Variants in ATF7IP2 observed in about 807,000 individuals in gnomAD.
ATF7IP2 encodes the protein activating transcription factor 7 interacting protein 2, also known as activating transcription factor 7-interacting protein 2.
ATF7IP2 carries 42 observed loss-of-function variants against 64.2 expected under a neutral mutation model. That is an observed-to-expected ratio of 0.65 (90% CI 0.51 to 0.85). ATF7IP2 has a LOEUF of 0.85. Among genes scored for constraint, ATF7IP2 ranks in the 40% least tolerant of loss-of-function variants. ATF7IP2 has a pLI of 0.00. For synonymous variants in ATF7IP2, 308 were observed against 272.8 expected (o/e 1.13, Z -1.27); for missense variants, 933 against 784.2 (o/e 1.19, Z -2.27).
chr16:10,465,427 AG>A (rs2049531308), intron 9 of ATF7IP2, among the ~76,000 whole-genome samples: 1 of 152,020 alleles, frequency 6.6e-6, no homozygotes, highest in Admixed American at 6.6e-5. Context: ...CAGTTTCCTC[AG>A]TTTCCCTCCC....
intron 9 of ATF7IP2, among the ~76,000 whole-genome samples, chr16:10,460,961 C>CAGA (rs2049354776): frequency 6.6e-6 from 1 of 151,962 alleles, no homozygotes; most frequent in Non-Finnish European, 1.5e-5. Flanking sequence ...ACTAGTAACG[C>CAGA]AGAATATATA....
intron 9 of ATF7IP2, among the ~76,000 whole-genome samples, chr16:10,471,325 C>G (rs868364671): frequency 1.6e-4 from 25 of 152,096 alleles, no homozygotes; most frequent in African/African-American, 5.1e-4. Flanking sequence ...GTCAGGAGTT[C>G]AAGACCAGCC....
At chr16:10,435,542 TTTG>T in intron 6 of ATF7IP2, among the ~76,000 whole-genome samples, 1 of 152,178 alleles carries the variant, frequency 6.6e-6, no homozygotes, top group African/African-American at 2.4e-5. Flanking sequence ...GTGTCTTCCT[TTTG>T]TATAAGGAAC....
intron 7 of ATF7IP2, among the ~76,000 whole-genome samples, chr16:10,438,547 C>T (rs1266201881): frequency 6.6e-6 from 1 of 151,994 alleles, no homozygotes; most frequent in African/African-American, 2.4e-5. Context: ...GTCACCACAC[C>T]TGGCCCATGT....
intron 8 of ATF7IP2, chr16:10,447,575 G>A (rs1039046849): frequency 6.6e-6 from 1 of 152,264 alleles, no homozygotes; most frequent in Non-Finnish European, 1.5e-5. Flanking sequence ...GAAAGCAGGG[G>A]TTTTTATTCC....
chr16:10,400,437 C>T (rs2047505929), intron 1 of ATF7IP2, among the ~76,000 whole-genome samples: 1 of 152,210 alleles, frequency 6.6e-6, no homozygotes, highest in South Asian at 2.1e-4. Flanking sequence ...GATCATATAT[C>T]ATCAGCAAAC....
intron 8 of ATF7IP2, among the ~76,000 whole-genome samples, chr16:10,455,686 T>A (rs981559335): frequency 5.3e-5 from 8 of 152,116 alleles, no homozygotes; most frequent in African/African-American, 1.9e-4. Flanking sequence ...TTAGTAGAAA[T>A]TTGGAAGTTA....
Position 10,474,148 on chromosome 16 carries a change from G to A in ATF7IP2, c.1549+159G>A, listed in dbSNP as rs564344860. Among the ~76,000 whole-genome samples, 36 of 152,180 alleles carry A rather than the reference G, an allele frequency of 2.4e-4. 2 individuals are homozygous for A. In the South Asian group the frequency reaches 5.0e-3, roughly 21 times the overall value. On this transcript the variant is annotated intron_variant, in intron 12 of 13. Transcript: ENST00000562102. ...TCATGTGCAGATTCATGTAACTGCC[G>A]TCACAGTGACAAAGCTCCTTCATGC...
chr16:10,439,513 C>T lies in ATF7IP2; in HGVS notation c.1096-851C>T, dbSNP rs530332734. On this transcript the variant is annotated intron_variant, in intron 7 of 13. Coordinates refer to ENST00000562102, the MANE Select transcript of ATF7IP2 (RefSeq NM_001393719.1). ...CTTCCCAAAGTGCTGGGATTATAGG[C>T]GTGAGCCACCGCCCCCAGCCTTTTT... is the stretch of plus-strand genomic sequence containing the variant. Among the ~76,000 whole-genome samples the T allele has an allele frequency of 6.2e-5, 9 of 144,596 alleles. No individual in the cohort carries two copies. In the South Asian group the frequency reaches 1.6e-3, roughly 25 times the overall value. The allele number at this position is 144,596 out of a possible 152,430, so 94.9% of individuals were successfully genotyped here.
At chr16:10,457,729 T>C (rs1197651814) in intron 9 of ATF7IP2, 200 bp downstream of exon 9, 1 of 392,488 alleles carries the variant, frequency 2.5e-6, no homozygotes, top group South Asian at 4.1e-5. Context: ...TTTTTTGAGA[T>C]AGGGTCTCAC....
chr16:10,476,498 G>GT (rs1230895089), intron 12 of ATF7IP2, among the ~76,000 whole-genome samples: 20 of 151,114 alleles, frequency 1.3e-4, no homozygotes, highest in Non-Finnish European at 2.4e-4. Context: ...GTGTGTGTGT[G>GT]TTTTTTTTTA....
chr16:10,456,509 G>A (rs2049173895), intron 8 of ATF7IP2, among the ~76,000 whole-genome samples: 1 of 129,788 alleles, frequency 7.7e-6, no homozygotes, highest in South Asian at 2.4e-4. Context: ...CTTTTAAGCT[G>A]CAGTTTCAAT....
At chr16:10,456,789 C>A (rs936159775) in intron 8 of ATF7IP2, among the ~76,000 whole-genome samples, 7 of 152,148 alleles carry the variant, frequency 4.6e-5, no homozygotes, top group African/African-American at 1.7e-4. Context: ...GGGGGTTAGC[C>A]ACCACTGCTA....
At chr16:10,401,641 CT>C (rs927990246) in intron 1 of ATF7IP2, among the ~76,000 whole-genome samples, 58 of 151,706 alleles carry the variant, frequency 3.8e-4, no homozygotes, top group Admixed American at 3.3e-3. Flanking sequence ...GAATTCCCTC[CT>C]TTTTTTTCCC....
chr16:10,403,330 C>T (rs1052990352), intron 1 of ATF7IP2, among the ~76,000 whole-genome samples: 1 of 152,140 alleles, frequency 6.6e-6, no homozygotes, highest in Non-Finnish European at 1.5e-5. Flanking sequence ...TGCTCACCTA[C>T]CTGGCACACT....
intron 8 of ATF7IP2, among the ~76,000 whole-genome samples, chr16:10,456,234 T>G (rs1415131226): frequency 6.6e-6 from 1 of 152,196 alleles, no homozygotes; most frequent in Non-Finnish European, 1.5e-5. Context: ...ACAAACTGTT[T>G]AGCAGAAAGG....
intron 3 of ATF7IP2, among the ~76,000 whole-genome samples, chr16:10,423,672 C>T (rs1384993671): frequency 6.6e-6 from 1 of 152,098 alleles, no homozygotes; most frequent in Non-Finnish European, 1.5e-5. Context: ...TAGGGACAAA[C>T]CTCTCCCTCC....
At position 10,391,772 on chromosome 16, in the gene ATF7IP2, C is replaced by T. The variant is rs538072669; in HGVS notation, c.-242+5650C>T. On this transcript the variant is annotated intron_variant, in intron 1 of 13. Transcript: ENST00000562102. ...ATTAGCTGGGCATGGTGGTGCACGC[C>T]TGTAGTCCCAGCTGCTGGAGGGCTG... is the stretch of plus-strand genomic sequence containing the variant. Among the ~76,000 whole-genome samples, 8 of 151,972 alleles carry T rather than the reference C, an allele frequency of 5.3e-5. No individual in the cohort carries two copies. The South Asian group carries it at 1.2e-3, about 24-fold the overall frequency.
chr16:10,401,943 A>G (rs1337288632), intron 1 of ATF7IP2, among the ~76,000 whole-genome samples: 1 of 152,000 alleles, frequency 6.6e-6, no homozygotes, highest in African/African-American at 2.4e-5. Flanking sequence ...TTTCTGTGGT[A>G]TCAGCTGTAA....
Sources: gnomAD v4.1 joint callset for allele counts (sites outside exome capture counted in the v4.1 genomes callset) on GRCh38, gnomAD v4.1.1 for gene constraint, MANE v1.5 for transcripts, NCBI Gene and HGNC (gene_info 2026-07-23, HGNC 2026-07-21) for gene names.